SNTG2: variants seen among roughly 807,000 people sequenced by gnomAD.
The protein encoded by SNTG2 is syntrophin gamma 2, also known as gamma-2-syntrophin.
A neutral mutation model predicts 70.9 loss-of-function variants in SNTG2; 74 were observed. That is an observed-to-expected ratio of 1.04 (90% CI 0.86 to 1.27). The LOEUF (loss-of-function observed/expected upper bound fraction) is 1.27. Ranked by LOEUF, SNTG2 falls within the 50% of genes most tolerant of loss-of-function variation. The probability of loss-of-function intolerance (pLI) is 0.00; values close to 1 mark genes in which losing one functional copy is unlikely to be tolerated. For synonymous variants in SNTG2, 278 were observed against 273.8 expected, an observed-to-expected ratio of 1.02 and a Z score of -0.15; for missense variants, 717 against 690.7, an observed-to-expected ratio of 1.04 and a Z score of -0.43.
At chr2:1,066,890 A>G (rs1203011273) in intron 1 of SNTG2, among the ~76,000 whole-genome samples, 2 of 152,118 alleles carry the variant, frequency 1.3e-5, no homozygotes, top group Non-Finnish European at 2.9e-5. Flanking sequence ...TTGGTCGTCA[A>G]CTTCCAATGG....
chr2:1,239,693 G>C (rs192374775), intron 10 of SNTG2, 45 bp from the exon 11 acceptor site: 6 of 1,603,710 alleles, frequency 3.7e-6, no homozygotes, highest in Non-Finnish European at 5.1e-6. Context: ...GAGCCATCCT[G>C]GTGTTGGTGG....
chr2:1,049,483 C>T (rs1370558396), intron 1 of SNTG2, among the ~76,000 whole-genome samples: 1 of 152,176 alleles, frequency 6.6e-6, no homozygotes, highest in Non-Finnish European at 1.5e-5. Context: ...CTTTATGTGG[C>T]TTGCCTTCTC....
At chr2:1,329,084 GT>G (rs926046519) in intron 16 of SNTG2, among the ~76,000 whole-genome samples, 4 of 150,866 alleles carry the variant, frequency 2.7e-5, no homozygotes, top group South Asian at 2.1e-4. Flanking sequence ...AACATTCCTG[GT>G]TTTTTTTTCT....
intron 13 of SNTG2, among the ~76,000 whole-genome samples, chr2:1,263,704 T>G (rs1678569381): frequency 6.6e-6 from 1 of 152,204 alleles, no homozygotes; most frequent in Non-Finnish European, 1.5e-5. Flanking sequence ...GACGTGTGTC[T>G]TTATGAAAGC....
At chr2:996,374 A>G (rs13014252) in intron 1 of SNTG2, among the ~76,000 whole-genome samples, 1 of 152,164 alleles carries the variant, frequency 6.6e-6, no homozygotes, top group Non-Finnish European at 1.5e-5. Context: ...CAGAATTCCT[A>G]GGATTTCTGA....
At chr2:1,292,881 C>A (rs1476025545) in intron 14 of SNTG2, among the ~76,000 whole-genome samples, 1 of 152,162 alleles carries the variant, frequency 6.6e-6, no homozygotes, top group Non-Finnish European at 1.5e-5. Context: ...GAAAGTATAT[C>A]CTTCTCTTCA....
intron 6 of SNTG2, among the ~76,000 whole-genome samples, chr2:1,155,097 CAT>C (rs2147820049): frequency 6.6e-6 from 1 of 150,678 alleles, no homozygotes; most frequent in South Asian, 2.1e-4. Flanking sequence ...ATACATTAAA[CAT>C]ACACACATAA....
At chr2:1,012,394 C>A (rs564918665) in intron 1 of SNTG2, among the ~76,000 whole-genome samples, 2 of 152,350 alleles carry the variant, frequency 1.3e-5, no homozygotes, top group South Asian at 2.1e-4. Flanking sequence ...CTGGCACAGT[C>A]CCTGCCCCCT....
chr2:1,267,747 TA>T (rs201748886), intron 14 of SNTG2, among the ~76,000 whole-genome samples, 176 bp downstream of exon 14: 46,224 of 151,740 alleles, frequency 0.3, 7,899 homozygotes, highest in African/African-American at 0.47. Context: ...GCTCCGTGGA[TA>T]AATATGAGCT....
In SNTG2 at chr2:1,098,246, T is replaced by TATA; in HGVS notation, c.263_265dup (p.Ile88dup). 1 of 1,614,028 alleles carries TATA rather than the reference T, an allele frequency of 6.2e-7. No homozygotes were observed. Among genetic ancestry groups the TATA allele is most frequent in the Non-Finnish European group, 8.5e-7 (1 of 1,179,892 alleles). ...AGCCAGTTGGCGGCTTGGGCCTGAG[T>TATA]ATAAAGGTATGGAAATGGTTTTCTC... On this transcript the variant is annotated inframe_insertion, in exon 3 of 17. Transcript: ENST00000308624.
At chr2:1,162,134 G>C (rs529417851) in intron 6 of SNTG2, among the ~76,000 whole-genome samples, 1 of 151,182 alleles carries the variant, frequency 6.6e-6, no homozygotes, top group Non-Finnish European at 1.5e-5. Context: ...CTATTGATTG[G>C]TTCTGTTACT....
At chr2:1,179,874 G>T (rs1352376531) in intron 8 of SNTG2, among the ~76,000 whole-genome samples, 1 of 142,310 alleles carries the variant, frequency 7.0e-6, no homozygotes, top group South Asian at 2.3e-4. Flanking sequence ...CAGAGATATA[G>T]ATCAATGGAA....
intron 4 of SNTG2, among the ~76,000 whole-genome samples, chr2:1,115,540 T>G (rs1035258239): frequency 6.6e-6 from 1 of 151,978 alleles, no homozygotes; most frequent in Non-Finnish European, 1.5e-5. Context: ...AAGTGAGGTT[T>G]AATCCTTACA....
intron 1 of SNTG2, among the ~76,000 whole-genome samples, chr2:1,040,706 T>C (rs1236188641): frequency 6.6e-6 from 1 of 152,228 alleles, no homozygotes; most frequent in African/African-American, 2.4e-5. Context: ...TCATACCTGA[T>C]GGTATGAAGC....
intron 1 of SNTG2, among the ~76,000 whole-genome samples, chr2:1,007,004 G>A (rs529148958): frequency 4.7e-4 from 72 of 151,870 alleles, no homozygotes; most frequent in Admixed American, 1.0e-3. Flanking sequence ...ACCCCAGCCT[G>A]GGCAACAGAG....
At chr2:1,245,015 G>A (rs142417964) in intron 11 of SNTG2, among the ~76,000 whole-genome samples, 159 of 150,290 alleles carry the variant, frequency 1.1e-3, no homozygotes, top group African/African-American at 3.8e-3. Context: ...GTAAACTATC[G>A]CAAGGACAAA....
intron 1 of SNTG2, among the ~76,000 whole-genome samples, chr2:1,053,981 C>T (rs952590822): frequency 6.6e-6 from 1 of 151,652 alleles, no homozygotes; most frequent in African/African-American, 2.4e-5. Context: ...TCCCTCCTCC[C>T]TCTGCAGGCC....
intron 9 of SNTG2, among the ~76,000 whole-genome samples, chr2:1,236,466 C>T (rs923119241): frequency 9.2e-5 from 14 of 152,178 alleles, no homozygotes; most frequent in Admixed American, 7.2e-4. Flanking sequence ...GGACCTGCTT[C>T]CTCTGGCTTC....
chr2:984,144 A>G (rs1038686460), intron 1 of SNTG2, among the ~76,000 whole-genome samples: 3 of 152,086 alleles, frequency 2.0e-5, no homozygotes, highest in African/African-American at 4.8e-5. Context: ...AGGTGACGCT[A>G]TTGAATCACA....
Sources: gnomAD v4.1 joint callset for allele counts (sites outside exome capture counted in the v4.1 genomes callset) on GRCh38, gnomAD v4.1.1 for gene constraint, MANE v1.5 for transcripts, NCBI Gene and HGNC (gene_info 2026-07-23, HGNC 2026-07-21) for gene names.